Variants in RASA2 observed in about 807,000 individuals in gnomAD.
The protein encoded by RASA2 is RAS p21 protein activator 2.
Under a neutral mutation model 118.2 loss-of-function variants are expected in RASA2, and 155 were observed. The ratio of observed to expected loss-of-function variants is 1.31; its 90% CI spans 1.15 to 1.50. The LOEUF (loss-of-function observed/expected upper bound fraction) is 1.50. Ranked by LOEUF, RASA2 falls within the 40% of genes most tolerant of loss-of-function variation. The probability of loss-of-function intolerance (pLI) is 0.00; values close to 1 mark genes in which losing one functional copy is unlikely to be tolerated. For synonymous variants in RASA2, 353 were observed against 349.1 expected, an observed-to-expected ratio of 1.01 and a Z score of -0.12; for missense variants, 1,016 against 1,009.6, an observed-to-expected ratio of 1.01 and a Z score of -0.09.
At chr3:141,557,726 T>G (rs2082670887) in intron 7 of RASA2, among the ~76,000 whole-genome samples, 1 of 151,586 alleles carries the variant, frequency 6.6e-6, no homozygotes, top group South Asian at 2.1e-4. Context: ...GGGGAGGGGA[T>G]GGGGTATCTT....
chr3:141,559,903 G>T lies in RASA2; in HGVS notation c.771G>T (p.Leu257Phe). Residue 257 changes from leucine to phenylalanine, a missense_variant, in exon 9 of 24, where the codon TTG (leucine) becomes TTT (phenylalanine). Around this residue, in one of 2 missense-constraint regions of RASA2, gnomAD observed 896 missense variants for 836.4 expected, o/e 1.07. Transcript: ENST00000286364. Reference sequence around the variant, plus strand: ...AGTTTTCAATTTTCAGGATCGACTTGTGGAACAATGGAAACCTAGTCCAAG... The same window carrying T: ...AGTTTTCAATTTTCAGGATCGACTTTTGGAACAATGGAAACCTAGTCCAAG... ...DIEKLEIRID[L>F]WNNGNLVQDV... 6.2e-7 allele frequency: 1 copy of T among 1,612,980 alleles called. No individual in the cohort carries two copies. The highest frequency in any genetic ancestry group is 8.5e-7 in the Non-Finnish European group (1 of 1,179,230).
intron 6 of RASA2, 146 bp from the exon 7 acceptor site, chr3:141,555,694 T>C: frequency 1.6e-6 from 1 of 627,794 alleles, no homozygotes; most frequent in African/African-American, 1.9e-5. Context: ...GGACAGTTAC[T>C]TTTTTCCAAG....
At chr3:141,489,788 T>G (rs2081618347) in intron 1 of RASA2, among the ~76,000 whole-genome samples, 1 of 152,174 alleles carries the variant, frequency 6.6e-6, no homozygotes, top group Non-Finnish European at 1.5e-5. Flanking sequence ...CTGTAATTAT[T>G]TCCCCTTATA....
At chr3:141,608,910 A>G (rs538044296) in intron 21 of RASA2, among the ~76,000 whole-genome samples, 1 of 152,372 alleles carries the variant, frequency 6.6e-6, no homozygotes, top group South Asian at 2.1e-4. Context: ...AGGTAAATTC[A>G]TAGAAACACA....
chr3:141,543,377 A>G (rs1020864503), intron 5 of RASA2, among the ~76,000 whole-genome samples: 1 of 152,114 alleles, frequency 6.6e-6, no homozygotes, highest in Non-Finnish European at 1.5e-5. Flanking sequence ...TTTTGTCTAC[A>G]TATATTGAGA....
At chr3:141,580,058 GAAAAAAAAAAGAAA>G (rs2083077946) in intron 15 of RASA2, among the ~76,000 whole-genome samples, 5 of 18,732 alleles carry the variant, frequency 2.7e-4, no homozygotes, top group African/African-American at 1.3e-3. Flanking sequence ...TCCATCTCAG[GAAAAAAAAAAGAAA>G]AAAAAAAAAA....
intron 1 of RASA2, among the ~76,000 whole-genome samples, chr3:141,497,612 A>G (rs1421899680): frequency 6.6e-6 from 1 of 151,916 alleles, no homozygotes; most frequent in Non-Finnish European, 1.5e-5. Context: ...AAACTTACAA[A>G]TTGTAAGAAT....
At chr3:141,491,810 A>G (rs574023701) in intron 1 of RASA2, among the ~76,000 whole-genome samples, 117 of 152,338 alleles carry the variant, frequency 7.7e-4, no homozygotes, top group African/African-American at 2.6e-3. Context: ...GGAGCTTGGA[A>G]AAGAAAATCT....
intron 21 of RASA2, 117 bp downstream of exon 21, chr3:141,608,814 G>GGA: frequency 8.8e-7 from 1 of 1,136,510 alleles, no homozygotes; most frequent in East Asian, 2.5e-5. Flanking sequence ...AACAAGGATG[G>GGA]GACCTTGAAA....
intron 1 of RASA2, among the ~76,000 whole-genome samples, chr3:141,511,369 AAAGAGAAGG>A (rs2081948250): frequency 6.6e-6 from 1 of 152,124 alleles, no homozygotes; most frequent in African/African-American, 2.4e-5. Context: ...CAGAGTTGGC[AAAGAGAAGG>A]AAGAGAAGGT....
intron 19 of RASA2, among the ~76,000 whole-genome samples, chr3:141,591,084 A>G (rs2083279028): frequency 6.6e-6 from 1 of 152,174 alleles, no homozygotes; most frequent in African/African-American, 2.4e-5. Flanking sequence ...CATCTTCTAC[A>G]AGTAAAAGTT....
chr3:141,551,399 A>G (rs2082572975), intron 5 of RASA2, among the ~76,000 whole-genome samples: 1 of 152,142 alleles, frequency 6.6e-6, no homozygotes, highest in Non-Finnish European at 1.5e-5. Flanking sequence ...TATTGCCTCT[A>G]TTCTTTTCAA....
At chr3:141,556,217 A>G (rs1422778930) in intron 7 of RASA2, among the ~76,000 whole-genome samples, 5 of 152,164 alleles carry the variant, frequency 3.3e-5, no homozygotes, top group African/African-American at 1.2e-4. Context: ...CCTAACACAT[A>G]GTGGCCACAG....
chr3:141,572,029 C>CATATATATATATATATATATATAT (rs10568210), intron 11 of RASA2, among the ~76,000 whole-genome samples: 2 of 121,462 alleles, frequency 1.6e-5, no homozygotes, highest in African/African-American at 3.0e-5. Flanking sequence ...TTTAAAAAAA[C>CATATATATATATATATATATATAT]ATATATATAT....
At position 141,487,217 on chromosome 3, in the gene RASA2, G is replaced by A. The variant is rs2081588231; in HGVS notation, c.133+1G>A. The A allele has an allele frequency of 7.1e-7, 1 of 1,415,016 alleles. No homozygotes were observed. The highest frequency in any genetic ancestry group is 9.3e-7 in the Non-Finnish European group (1 of 1,071,584). The allele number at this position is 1,415,016 out of a possible 1,614,324, so 87.7% of individuals were successfully genotyped here. ...TTGCAGAGCCTGCGGGGCAAGATCT[G>A]TAAGCGGGGGCTGGGCTGAGGGGAC... On this transcript the variant is annotated splice_donor_variant, in intron 1 of 23. Coordinates refer to ENST00000286364, the MANE Select transcript of RASA2 (RefSeq NM_006506.5). LOFTEE classifies it high-confidence loss of function.
At chr3:141,540,383 GTTA>G (rs1368859589) in intron 4 of RASA2, 147 bp from the exon 5 acceptor site, 3 of 480,718 alleles carry the variant, frequency 6.2e-6, no homozygotes, top group Admixed American at 4.0e-5. Flanking sequence ...TCTGGTTTTG[GTTA>G]TTATTCATTT....
intron 4 of RASA2, among the ~76,000 whole-genome samples, chr3:141,530,147 C>G (rs2082240319): frequency 6.6e-6 from 1 of 152,010 alleles, no homozygotes; most frequent in East Asian, 1.9e-4. Flanking sequence ...GGGAGAATCC[C>G]TGGAAGTCTG....
rs765379914 is a variant in RASA2 at position 141,577,064 on chromosome 3, C to G, written c.1548C>G (p.Ala516=). The G allele has an allele frequency of 6.2e-7, 1 of 1,611,074 alleles. No homozygotes were observed. The highest frequency in any genetic ancestry group is 1.3e-5 in the African/African-American group (1 of 74,878). Residue 516 remains alanine, a synonymous_variant, in exon 15 of 24, where the codon GCC becomes GCG. Transcript: ENST00000286364. The part of the protein sequence containing the change: ...SFVFLRFFAV[A]VVSPHTFHLR... ...TATTTCTTCGTTTCTTTGCTGTAGC[C>G]GTAGTATCACCTCATACTTTTCATT...
At chr3:141,581,294 C>G in intron 17 of RASA2, 117 bp downstream of exon 17, 1 of 845,936 alleles carries the variant, frequency 1.2e-6, no homozygotes, top group Non-Finnish European at 1.6e-6. Context: ...TTAAACTGTT[C>G]ATCAAAAAGG....
Sources: allele counts gnomAD v4.1 joint callset (sites outside exome capture counted in the v4.1 genomes callset), GRCh38; gene constraint gnomAD v4.1.1; regional missense constraint gnomAD v4.1.1; transcripts MANE v1.5; gene names NCBI Gene and HGNC (gene_info 2026-07-23, HGNC 2026-07-21).